The following CBLC variants were observed in gnomAD, a reference collection of about 807,000 sequenced individuals.
The protein encoded by CBLC is Cbl proto-oncogene C.
CBLC carries 46 observed loss-of-function variants against 58.6 expected under a neutral mutation model. That is an observed-to-expected ratio of 0.79 (90% CI 0.62 to 1.00). The LOEUF (loss-of-function observed/expected upper bound fraction) is 1.00, where lower values mean the gene tolerates loss of function less well. CBLC is among the 50% of genes least tolerant of loss of function. The pLI is 0.00. For synonymous variants in CBLC, 271 were observed against 264.2 expected, an observed-to-expected ratio of 1.03 and a Z score of -0.25; for missense variants, 655 against 625.8, an observed-to-expected ratio of 1.05 and a Z score of -0.50.
At position 44,800,592 on chromosome 19, in the gene CBLC, A is replaced by C; in HGVS notation, c.*49A>C. 1.7e-6 allele frequency: 1 copy of C among 581,632 alleles called. No homozygotes were observed. The highest frequency in any genetic ancestry group is 2.2e-5 in the South Asian group (1 of 44,704). 36.0% of individuals were successfully genotyped at this position (581,632 alleles called of 1,614,324 possible). ...GCTCAAGGGAGCCCCAAGGGCTGGAAGGGGGTTGTGAAACCGAAATAAACT... is the reference window on the plus strand; with the variant it reads ...GCTCAAGGGAGCCCCAAGGGCTGGACGGGGGTTGTGAAACCGAAATAAACT... On this transcript the variant is annotated 3_prime_UTR_variant, in exon 11 of 11. Coordinates refer to ENST00000647358, the MANE Select transcript of CBLC (RefSeq NM_012116.4).
At chr19:44,784,966 T>G (rs1000799855) in intron 5 of CBLC, among the ~76,000 whole-genome samples, 51 of 111,740 alleles carry the variant, frequency 4.6e-4, no homozygotes, top group African/African-American at 1.4e-3. Context: ...TTTTTTTTTT[T>G]TTTTTTTTTT....
Position 44,800,429 on chromosome 19 carries a change from C to G in CBLC, c.1411C>G (p.Pro471Ala). The change falls in exon 10 of 11, where the codon CCT becomes GCT. Residue 471 changes from proline to alanine, a missense_variant. Transcript: ENST00000647358. ...SPPAALGPQD[P>A]APA ...TCCAGCTGCGCTGGGACCCCAGGAC[C>G]CTGCCCCGGCCTGAAGGCCAGGTGA... 1 of 1,612,638 alleles carries G rather than the reference C, an allele frequency of 6.2e-7. No individual in the cohort carries two copies. The highest frequency in any genetic ancestry group is 8.5e-7 in the Non-Finnish European group (1 of 1,178,740).
Position 44,792,332 on chromosome 19 carries a change from C to G in CBLC, c.1006-51C>G, listed in dbSNP as rs747270829. 6.9e-6 allele frequency: 11 copies of G among 1,605,014 alleles called. No homozygotes were observed. The East Asian group carries it at 2.5e-4, about 36-fold the overall frequency. ...TCTTCCTGTGGCCCAAGTTGTGTCC[C>G]CGTGGCTGACGCATGCCCCTCGCTG... On this transcript the variant is annotated intron_variant, in intron 6 of 10. Transcript: ENST00000647358.
At chr19:44,788,287 T>G (rs149544052) in intron 5 of CBLC, among the ~76,000 whole-genome samples, 2,550 of 151,336 alleles carry the variant, frequency 0.017, 35 homozygotes, top group South Asian at 0.043. Flanking sequence ...GCCCAGCTAA[T>G]TTTTTTAATT....
rs374379148 is a variant in CBLC at position 44,792,474 on chromosome 19, G to T, written c.1097G>T (p.Cys366Phe). The change falls in exon 7 of 11, where the codon TGC becomes TTC. Residue 366 changes from cysteine to phenylalanine, a missense_variant. By Grantham distance (205) the Cys-to-Phe change is radical (BLOSUM62 -2). Transcript: ENST00000647358. ...ESNKDVKIEP[C>F]GHLLCSCCLA... ...AACAAGGATGTGAAGATTGAGCCGTGCGGGCACCTGCTCTGCAGCTGCTGC... is the reference window on the plus strand; with the variant it reads ...AACAAGGATGTGAAGATTGAGCCGTTCGGGCACCTGCTCTGCAGCTGCTGC... The T allele has an allele frequency of 6.2e-7, 1 of 1,611,010 alleles. No individual in the cohort carries two copies. Among genetic ancestry groups the T allele is most frequent in the Non-Finnish European group, 8.5e-7 (1 of 1,179,124 alleles).
chr19:44,788,993 A>G (rs1967979414), intron 5 of CBLC, among the ~76,000 whole-genome samples: 1 of 152,198 alleles, frequency 6.6e-6, no homozygotes, highest in Non-Finnish European at 1.5e-5. Context: ...AGGCAGGGCC[A>G]CTAGCCTCAG....
At chr19:44,778,856 C>T (rs1290488230) in intron 1 of CBLC, among the ~76,000 whole-genome samples, 1 of 142,896 alleles carries the variant, frequency 7.0e-6, no homozygotes, top group African/African-American at 2.7e-5. Flanking sequence ...CCCCCATCCC[C>T]TCCTCCCTCA....
At chr19:44,796,615 C>A (rs1486763394) in intron 9 of CBLC, among the ~76,000 whole-genome samples, 4 of 152,042 alleles carry the variant, frequency 2.6e-5, no homozygotes, top group African/African-American at 4.8e-5. Context: ...GAACTCCCAA[C>A]CTCAGGTGAT....
At chr19:44,793,335 C>G (rs558204859) in intron 7 of CBLC, 139 bp from the exon 8 acceptor site, 3 of 941,202 alleles carry the variant, frequency 3.2e-6, no homozygotes, top group South Asian at 2.0e-5. Flanking sequence ...CTGCTCTCCA[C>G]GACTCTTCTC....
At chr19:44,779,279 C>T (rs762657330) in intron 1 of CBLC, among the ~76,000 whole-genome samples, 9 of 152,130 alleles carry the variant, frequency 5.9e-5, no homozygotes, top group African/African-American at 9.7e-5. Context: ...CCCATGGGCT[C>T]CTAGGTGGAG....
chr19:44,793,728 C>T (rs1245244810), intron 8 of CBLC, 108 bp downstream of exon 8: 1 of 1,068,642 alleles, frequency 9.4e-7, no homozygotes, highest in Non-Finnish European at 1.3e-6. Flanking sequence ...GGGGCCTGGA[C>T]TCCTGGGTCT....
intron 5 of CBLC, among the ~76,000 whole-genome samples, chr19:44,789,243 C>A (rs551145704): frequency 6.6e-6 from 1 of 152,268 alleles, no homozygotes; most frequent in Non-Finnish European, 1.5e-5. Flanking sequence ...CCTTGGGTCA[C>A]TGTCTGTGAG....
At chr19:44,794,824 T>A (rs533288055) in intron 9 of CBLC, among the ~76,000 whole-genome samples, 203 of 152,152 alleles carry the variant, frequency 1.3e-3, no homozygotes, top group Middle Eastern at 3.4e-3. Context: ...GGCCTTTGCA[T>A]AAGCTGTTCC....
intron 6 of CBLC, 143 bp from the exon 7 acceptor site, chr19:44,792,240 T>A: frequency 1.3e-6 from 1 of 777,016 alleles, no homozygotes; most frequent in Non-Finnish European, 2.1e-6. Flanking sequence ...ATGATCCCCC[T>A]GCCTCAGCCT....
At chr19:44,783,444 G>A (rs1448958922) in intron 4 of CBLC, among the ~76,000 whole-genome samples, 1 of 152,082 alleles carries the variant, frequency 6.6e-6, no homozygotes, top group Non-Finnish European at 1.5e-5. Context: ...AGGAAGTGGA[G>A]GTTGCAGTGA....
rs781277300 is a variant in CBLC, at chr19:44,793,509, C to T, written c.1173C>T (p.Cys391=). 4.1e-5 allele frequency: 66 copies of T among 1,612,138 alleles called. No homozygotes were observed. The South Asian group carries it at 4.8e-4, about 12-fold the overall frequency. ...GCCAGACCTGCCCCTTCTGCCGCTG[C>T]GAGATCAAGGGCTGGGAGGCCGTGA... The part of the protein sequence containing the change: ...SDSQTCPFCR[C]EIKGWEAVSI... Residue 391 remains cysteine (C), a synonymous_variant, in exon 8 of 11, where the codon TGC becomes TGT. Transcript: ENST00000647358.
At chr19:44,779,315 A>G (rs1187307343) in intron 1 of CBLC, among the ~76,000 whole-genome samples, 1 of 152,004 alleles carries the variant, frequency 6.6e-6, no homozygotes, top group African/African-American at 2.4e-5. Flanking sequence ...ACACCCAAAG[A>G]AACTGATCAT....
At position 44,778,118 on chromosome 19, in the gene CBLC, C is replaced by T. The variant is rs115775900; in HGVS notation, c.187C>T (p.Arg63Trp). 1.5e-3 allele frequency: 2,462 copies of T among 1,599,634 alleles called. 41 individuals are homozygous for T. In the African/African-American group the frequency reaches 0.029, roughly 19 times the overall value. ...GCTTCGAGAGGTGGCCCATTCTCGGCGGGCGGCCGGCGGAGGCGGCCCCGG... is the reference window on the plus strand; with the variant it reads ...GCTTCGAGAGGTGGCCCATTCTCGGTGGGCGGCCGGCGGAGGCGGCCCCGG... ...QLLREVAHSR[R>W]AAGGGGPGGP... Residue 63 changes from arginine (R) to tryptophan (W), a missense_variant, in exon 1 of 11, where the codon CGG becomes TGG. By Grantham distance (101) the Arg-to-Trp change is moderately radical. Coordinates refer to ENST00000647358, the MANE Select transcript of CBLC (RefSeq NM_012116.4).
At chr19:44,792,548 G>T (rs1968082606) in intron 7 of CBLC, 34 bp downstream of exon 7, 1 of 1,545,388 alleles carries the variant, frequency 6.5e-7, no homozygotes. Context: ...TTCCCCTCTG[G>T]TCTCCCCCTC....
Sources: gnomAD v4.1 joint callset for allele counts (sites outside exome capture counted in the v4.1 genomes callset) on GRCh38, gnomAD v4.1.1 for gene constraint, MANE v1.5 for transcripts, NCBI Gene and HGNC (gene_info 2026-07-23, HGNC 2026-07-21) for gene names.